Variants in BICC1 observed in about 807,000 individuals in gnomAD.
The protein encoded by BICC1 is protein bicaudal C homolog 1.
In BICC1, 43 loss-of-function variants were observed where a neutral mutation model predicts 111.0. The ratio of observed to expected loss-of-function variants is 0.39; its 90% confidence interval spans 0.30 to 0.50. The LOEUF (loss-of-function observed/expected upper bound fraction) is 0.50, where lower values mean the gene tolerates loss of function less well. Among genes scored for constraint, BICC1 ranks in the 20% least tolerant of loss-of-function variants. The pLI is 0.88. For synonymous variants in BICC1, 467 were observed against 434.4 expected, an observed-to-expected ratio of 1.07 and a Z score of -0.93; for missense variants, 1,091 against 1,203.2, an observed-to-expected ratio of 0.91 and a Z score of 1.38.
At chr10:58,548,796 GT>G (rs751103290) in intron 1 of BICC1, among the ~76,000 whole-genome samples, 1 of 152,044 alleles carries the variant, frequency 6.6e-6, no homozygotes, top group African/African-American at 2.4e-5. Context: ...ATGTTGTTGT[GT>G]TTTTGGGGAG....
At chr10:58,563,511 GA>G (rs1413203379) in intron 1 of BICC1, among the ~76,000 whole-genome samples, 2 of 152,134 alleles carry the variant, frequency 1.3e-5, no homozygotes. Context: ...CCTTCTCTGT[GA>G]TACTATCCTG....
intron 1 of BICC1, among the ~76,000 whole-genome samples, chr10:58,601,273 T>A (rs1479639333): frequency 1.3e-5 from 2 of 150,742 alleles, no homozygotes; most frequent in Non-Finnish European, 3.0e-5. Flanking sequence ...TTTTTATGTG[T>A]TTATTTAAAG....
intron 2 of BICC1, among the ~76,000 whole-genome samples, chr10:58,623,589 C>T (rs1049927996): frequency 2.0e-5 from 3 of 152,172 alleles, no homozygotes; most frequent in East Asian, 1.9e-4. Flanking sequence ...TCTTATGTAA[C>T]GTTCTAAGGA....
At chr10:58,732,290 GA>G (rs1462813257) in intron 3 of BICC1, among the ~76,000 whole-genome samples, 2 of 147,266 alleles carry the variant, frequency 1.4e-5, no homozygotes, top group Admixed American at 6.8e-5. Flanking sequence ...GAGAAAGAAG[GA>G]GAAGAGAGGA....
chr10:58,619,599 C>G (rs1196700373), intron 1 of BICC1, among the ~76,000 whole-genome samples: 1 of 151,598 alleles, frequency 6.6e-6, no homozygotes, highest in Non-Finnish European at 1.5e-5. Flanking sequence ...CTCAGCCTCT[C>G]AAATAGCTGG....
chr10:58,585,099 T>C (rs1475356480), intron 1 of BICC1, among the ~76,000 whole-genome samples: 1 of 152,240 alleles, frequency 6.6e-6, no homozygotes, highest in Admixed American at 6.5e-5. Context: ...TTCAGTTGAC[T>C]TAATGCTTTG....
rs1264322245 is a variant in BICC1, at chr10:58,672,687, T to G, written c.238-29387T>G. ...CAAGGCTGTCTTGGCCACCATCCTT[T>G]CCCCGGTGGGAAATATAGTCTCACA... On this transcript the variant is annotated intron_variant, in intron 2 of 20. Coordinates refer to ENST00000373886, the MANE Select transcript of BICC1 (RefSeq NM_001080512.3). 2.0e-5 allele frequency among the ~76,000 whole-genome samples: 3 copies of G among 152,296 alleles called. No homozygotes were observed. The East Asian group carries it at 5.8e-4, about 29-fold the overall frequency.
chr10:58,630,791 T>C (rs1417768613), intron 2 of BICC1, among the ~76,000 whole-genome samples: 2 of 152,192 alleles, frequency 1.3e-5, no homozygotes, highest in Admixed American at 6.5e-5. Flanking sequence ...TGTAGAGTAG[T>C]TTAGCTCCTC....
intron 2 of BICC1, among the ~76,000 whole-genome samples, chr10:58,688,691 T>C (rs1255636665): frequency 6.6e-6 from 1 of 152,214 alleles, no homozygotes; most frequent in Non-Finnish European, 1.5e-5. Context: ...CATGTAATAC[T>C]ATGCAGCCAT....
intron 3 of BICC1, among the ~76,000 whole-genome samples, chr10:58,720,521 A>C (rs1277336499): frequency 6.6e-6 from 1 of 152,228 alleles, no homozygotes; most frequent in African/African-American, 2.4e-5. Context: ...ATATTCCTTA[A>C]GTATTGATAA....
At chr10:58,637,075 G>A (rs1012621961) in intron 2 of BICC1, among the ~76,000 whole-genome samples, 3 of 150,926 alleles carry the variant, frequency 2.0e-5, no homozygotes, top group East Asian at 2.0e-4. Flanking sequence ...AGCTGTGATC[G>A]TAACTTTTAT....
chr10:58,672,737 C>T (rs1160178503), intron 2 of BICC1, among the ~76,000 whole-genome samples: 1 of 152,166 alleles, frequency 6.6e-6, no homozygotes, highest in East Asian at 1.9e-4. Context: ...TAAATGAATG[C>T]TCAGTGATAA....
At chr10:58,673,547 G>C (rs186324390) in intron 2 of BICC1, among the ~76,000 whole-genome samples, 2 of 152,178 alleles carry the variant, frequency 1.3e-5, no homozygotes, top group African/African-American at 4.8e-5. Flanking sequence ...ATAAAATGCC[G>C]TGGAGCACAA....
intron 1 of BICC1, among the ~76,000 whole-genome samples, chr10:58,610,760 T>C (rs1564512103): frequency 6.6e-6 from 1 of 152,174 alleles, no homozygotes; most frequent in Non-Finnish European, 1.5e-5. Context: ...CATATACATT[T>C]TTCTTTTTGC....
intron 1 of BICC1, among the ~76,000 whole-genome samples, chr10:58,566,532 G>A (rs114469522): frequency 5.3e-5 from 8 of 152,144 alleles, no homozygotes; most frequent in African/African-American, 1.7e-4. Context: ...TAGTAGGATC[G>A]CTGGATCAAA....
At chr10:58,777,219 T>G (rs540495661) in intron 3 of BICC1, among the ~76,000 whole-genome samples, 2 of 151,870 alleles carry the variant, frequency 1.3e-5, no homozygotes, top group African/African-American at 2.4e-5. Flanking sequence ...CTGTTTCTGA[T>G]TAAGTAAACA....
intron 2 of BICC1, among the ~76,000 whole-genome samples, chr10:58,666,495 T>G (rs1413520686): frequency 1.3e-5 from 2 of 152,210 alleles, no homozygotes; most frequent in Non-Finnish European, 2.9e-5. Context: ...CAGCCAGCAT[T>G]TTAATTCTAA....
intron 3 of BICC1, among the ~76,000 whole-genome samples, chr10:58,764,629 CTTTTTTTTTT>C (rs11366847): frequency 8.5e-6 from 1 of 117,584 alleles, no homozygotes. Context: ...TAATTTCCTT[CTTTTTTTTTT>C]TTTTTTTTTT....
chr10:58,744,834 A>G (rs1249631149), intron 3 of BICC1, among the ~76,000 whole-genome samples: 7 of 152,162 alleles, frequency 4.6e-5, no homozygotes, highest in Non-Finnish European at 8.8e-5. Context: ...AATAGAGAAC[A>G]TCTGGAGGTG....
Sources: allele counts gnomAD v4.1 joint callset (sites outside exome capture counted in the v4.1 genomes callset), GRCh38; gene constraint gnomAD v4.1.1; transcripts MANE v1.5; gene names NCBI Gene and HGNC (gene_info 2026-07-23, HGNC 2026-07-21).